UBR3: variants seen among roughly 807,000 people sequenced by gnomAD.
UBR3 encodes the protein E3 ubiquitin-protein ligase UBR3.
Under a neutral mutation model 243.2 loss-of-function variants are expected in UBR3, and 85 were observed. That is an observed-to-expected ratio of 0.35 (90% CI 0.29 to 0.42). The LOEUF (loss-of-function observed/expected upper bound fraction) is 0.42, where lower values mean the gene tolerates loss of function less well. Ranked by LOEUF, UBR3 falls within the 10% of genes least tolerant of loss-of-function variation. The probability of loss-of-function intolerance (pLI) is 1.00; values close to 1 mark genes in which losing one functional copy is unlikely to be tolerated. For missense variants in UBR3, 1,686 were observed against 2,300.8 expected (o/e 0.73, Z 5.47); for synonymous variants, 748 against 799.8 (o/e 0.94, Z 1.09).
intron 24 of UBR3, among the ~76,000 whole-genome samples, chr2:169,966,502 T>A (rs2087816733): frequency 6.6e-6 from 1 of 152,190 alleles, no homozygotes. Context: ...CCATGCCTTT[T>A]TACCCAATAT....
chr2:170,058,327 A>G (rs2091382431), intron 33 of UBR3, among the ~76,000 whole-genome samples: 3 of 152,066 alleles, frequency 2.0e-5, no homozygotes, highest in Admixed American at 2.0e-4. Context: ...TCGGTATTAT[A>G]TATTATTTGA....
chr2:170,038,394 A>G (rs967602982), intron 31 of UBR3, among the ~76,000 whole-genome samples: 5 of 152,206 alleles, frequency 3.3e-5, no homozygotes, highest in Admixed American at 6.5e-5. Flanking sequence ...CCCTTTTCCC[A>G]TGAATATTTC....
At chr2:169,930,908 T>TTA (rs1325147688) in intron 18 of UBR3, among the ~76,000 whole-genome samples, 1 of 152,160 alleles carries the variant, frequency 6.6e-6, no homozygotes, top group Non-Finnish European at 1.5e-5. Context: ...GTGGCCCCTG[T>TTA]TATACATCTG....
chr2:170,016,402 G>A (rs1318464797), intron 30 of UBR3, among the ~76,000 whole-genome samples: 3 of 151,586 alleles, frequency 2.0e-5, no homozygotes, highest in Admixed American at 6.6e-5. Context: ...TTTTTTAACC[G>A]AGTATTAGTA....
intron 10 of UBR3, among the ~76,000 whole-genome samples, chr2:169,910,183 G>A (rs1003818733): frequency 2.0e-5 from 3 of 151,964 alleles, no homozygotes; most frequent in Non-Finnish European, 2.9e-5. Flanking sequence ...TAGACCCTTC[G>A]GCATATAGAA....
At chr2:169,830,572 C>T (rs2081900365) in intron 1 of UBR3, among the ~76,000 whole-genome samples, 1 of 152,078 alleles carries the variant, frequency 6.6e-6, no homozygotes, top group Non-Finnish European at 1.5e-5. Flanking sequence ...GCTCTGGAGC[C>T]AGACTAATCA....
At chr2:169,941,305 A>G (rs1237431012) in intron 19 of UBR3, among the ~76,000 whole-genome samples, 1 of 152,190 alleles carries the variant, frequency 6.6e-6, no homozygotes, top group African/African-American at 2.4e-5. Context: ...AACCCTATAT[A>G]TACTATGTTT....
chr2:170,067,312 CAAG>C (rs1035299166), intron 35 of UBR3, among the ~76,000 whole-genome samples: 1 of 152,132 alleles, frequency 6.6e-6, no homozygotes, highest in African/African-American at 2.4e-5. Flanking sequence ...CTCAATAGAG[CAAG>C]AAGATATAAT....
intron 9 of UBR3, among the ~76,000 whole-genome samples, 165 bp downstream of exon 9, chr2:169,905,458 T>TA (rs544976457): frequency 3.9e-5 from 6 of 152,316 alleles, no homozygotes; most frequent in African/African-American, 9.6e-5. Flanking sequence ...TCATAAAACA[T>TA]ACCAAGGAGT....
intron 23 of UBR3, among the ~76,000 whole-genome samples, chr2:169,954,381 C>G (rs1194191106): frequency 3.3e-5 from 5 of 151,956 alleles, no homozygotes; most frequent in Admixed American, 3.3e-4. Context: ...GCTGGGACTA[C>G]AGGTGTGTGC....
At chr2:169,900,199 T>C (rs558706063) in intron 8 of UBR3, among the ~76,000 whole-genome samples, 1 of 152,236 alleles carries the variant, frequency 6.6e-6, no homozygotes, top group Non-Finnish European at 1.5e-5. Flanking sequence ...CTGACTGGCC[T>C]GAGATGGTAT....
chr2:169,902,966 T>C (rs1468530390), intron 8 of UBR3, among the ~76,000 whole-genome samples: 1 of 152,198 alleles, frequency 6.6e-6, no homozygotes, highest in Non-Finnish European at 1.5e-5. Flanking sequence ...CCCTCTACTT[T>C]TCCCATTGCA....
At chr2:169,838,039 A>G (rs1050889273) in intron 1 of UBR3, among the ~76,000 whole-genome samples, 6 of 152,326 alleles carry the variant, frequency 3.9e-5, no homozygotes, top group Middle Eastern at 3.4e-3. Context: ...TTAGTCTTCA[A>G]AAGGGTTTTT....
Position 169,986,675 on chromosome 2 carries a change from T to G in UBR3, c.3665T>G (p.Ile1222Ser). Residue 1222 changes from isoleucine to serine, a missense_variant, in exon 25 of 39, where the codon ATC (isoleucine) becomes AGC (serine). By Grantham distance (142) the Ile-to-Ser change is moderately radical. This residue lies in a region of UBR3 where 156 missense variants were observed against 246.3 expected (regional missense o/e 0.63). Coordinates refer to ENST00000272793, the MANE Select transcript of UBR3 (RefSeq NM_172070.4). Reference protein sequence around the residue: ...DSPENDIPMEITTAEPQVSEA... With the variant: ...DSPENDIPMESTTAEPQVSEA... The stretch of plus-strand genomic sequence containing the variant: ...CCTGAGAATGATATTCCTATGGAGA[T>G]CACCACGGCAGAACCACAGGTTTCC... 1 of 1,613,626 alleles carries G rather than the reference T, an allele frequency of 6.2e-7. No homozygotes were observed. Among genetic ancestry groups the G allele is most frequent in the Non-Finnish European group, 8.5e-7 (1 of 1,179,718 alleles).
At chr2:170,080,364 T>C in intron 37 of UBR3, 181 bp from the exon 38 acceptor site, 1 of 736,686 alleles carries the variant, frequency 1.4e-6, no homozygotes, top group Non-Finnish European at 2.1e-6. Flanking sequence ...AGATATTCCT[T>C]ACCCAAATAC....
intron 1 of UBR3, among the ~76,000 whole-genome samples, chr2:169,834,238 T>A (rs1448647700): frequency 4.6e-5 from 7 of 152,246 alleles, no homozygotes; most frequent in Admixed American, 4.6e-4. Flanking sequence ...AAAGTAGAAC[T>A]GCTTCATTTT....
At chr2:169,870,441 T>C (rs1394075922) in intron 1 of UBR3, among the ~76,000 whole-genome samples, 2 of 151,710 alleles carry the variant, frequency 1.3e-5, no homozygotes, top group East Asian at 2.0e-4. Flanking sequence ...TTGTGGTCCA[T>C]TGATGTTAGC....
chr2:169,908,198 A>G (rs1051568036), intron 10 of UBR3, among the ~76,000 whole-genome samples: 1 of 152,104 alleles, frequency 6.6e-6, no homozygotes, highest in Non-Finnish European at 1.5e-5. Flanking sequence ...TTCTTGCATG[A>G]GAGTTATCTT....
intron 11 of UBR3, among the ~76,000 whole-genome samples, chr2:169,915,558 T>C (rs976340470): frequency 2.0e-5 from 3 of 152,182 alleles, no homozygotes; most frequent in Non-Finnish European, 2.9e-5. Context: ...TTTTGAAGAA[T>C]GCCTCTCAAT....
Sources: gnomAD v4.1 joint callset for allele counts (sites outside exome capture counted in the v4.1 genomes callset) on GRCh38, gnomAD v4.1.1 for gene constraint, gnomAD v4.1.1 regional missense constraint, MANE v1.5 for transcripts, NCBI Gene and HGNC (gene_info 2026-07-23, HGNC 2026-07-21) for gene names.